The following MRTFA variants were observed in gnomAD, a reference collection of about 807,000 sequenced individuals.
The protein encoded by MRTFA is myocardin-related transcription factor A.
A neutral mutation model predicts 83.5 loss-of-function variants in MRTFA; 20 were observed. The observed-to-expected ratio is 0.24, with a 90% CI of 0.17 to 0.35. MRTFA has a LOEUF of 0.35. MRTFA is among the 10% of genes least tolerant of loss of function. The pLI, the probability that MRTFA is intolerant of heterozygous loss-of-function variation, is 1.00. For synonymous variants in MRTFA, 659 were observed against 541.2 expected (o/e 1.22, Z -3.02); for missense variants, 1,200 against 1,224.7 (o/e 0.98, Z 0.30).
chr22:40,631,663 A>G (rs1029248366), intron 1 of MRTFA, among the ~76,000 whole-genome samples: 18 of 152,350 alleles, frequency 1.2e-4, no homozygotes, highest in African/African-American at 4.1e-4. Context: ...TAGATTTCAA[A>G]TATTTTTCCT....
chr22:40,561,774 C>T (rs1211286656), intron 2 of MRTFA, among the ~76,000 whole-genome samples: 4 of 152,170 alleles, frequency 2.6e-5, no homozygotes, highest in African/African-American at 9.7e-5. Context: ...CCTGACACTT[C>T]CTTCCCATTA....
intron 1 of MRTFA, among the ~76,000 whole-genome samples, chr22:40,616,800 T>C (rs1190628841): frequency 6.6e-6 from 1 of 151,798 alleles, no homozygotes; most frequent in Non-Finnish European, 1.5e-5. Context: ...TGACTAACAT[T>C]CAAAAAAGAT....
At chr22:40,574,469 C>G (rs1010135930) in intron 2 of MRTFA, among the ~76,000 whole-genome samples, 1 of 150,698 alleles carries the variant, frequency 6.6e-6, no homozygotes, top group Non-Finnish European at 1.5e-5. Context: ...GAGCCTTGCT[C>G]TGTCACCCAG....
At chr22:40,614,841 T>C (rs1344102727) in intron 1 of MRTFA, among the ~76,000 whole-genome samples, 1 of 152,214 alleles carries the variant, frequency 6.6e-6, no homozygotes, top group African/African-American at 2.4e-5. Flanking sequence ...TATTTTTTAA[T>C]TGGGCCATTT....
intron 3 of MRTFA, among the ~76,000 whole-genome samples, chr22:40,500,041 T>G (rs1014105679): frequency 3.4e-5 from 5 of 147,056 alleles, no homozygotes; most frequent in Admixed American, 1.4e-4. Flanking sequence ...GCAATTCTCC[T>G]GCCTCAGCCT....
chr22:40,629,628 T>C (rs1295502828), intron 1 of MRTFA, among the ~76,000 whole-genome samples: 2 of 149,710 alleles, frequency 1.3e-5, no homozygotes, highest in Non-Finnish European at 3.0e-5. Context: ...TACAAAAAAT[T>C]AGCTGGGCGT....
At chr22:40,426,543 A>G (rs563966373) in intron 7 of MRTFA, among the ~76,000 whole-genome samples, 3 of 152,126 alleles carry the variant, frequency 2.0e-5, no homozygotes, top group African/African-American at 7.2e-5. Flanking sequence ...AGTCCCCAAC[A>G]ATCACCCCAT....
At position 40,420,406 on chromosome 22, in the gene MRTFA, T is replaced by C; in HGVS notation, c.1352A>G (p.Lys451Arg). Residue 451 changes from lysine to arginine, a missense_variant and splice_region_variant, in exon 11 of 15, where the codon AAG (lysine) becomes AGG (arginine). Physicochemically the swap from Lys to Arg is conservative, Grantham distance 26 (BLOSUM62 2). Transcript: ENST00000355630. The stretch of plus-strand genomic sequence containing the variant: ...TCAAGTTTTCCAGTGGCCATGTACC[T>C]TCATGTCGTCCAGGTTGGCCGGCAG... The C allele has an allele frequency of 6.2e-7, 1 of 1,613,006 alleles. No individual in the cohort carries two copies.
chr22:40,526,869 G>C (rs953499502), intron 3 of MRTFA, among the ~76,000 whole-genome samples: 3 of 152,238 alleles, frequency 2.0e-5, no homozygotes, highest in South Asian at 4.1e-4. Context: ...GGAGGCAGAG[G>C]TGGGAGGACT....
At chr22:40,518,795 CAAAAAAAAAAAA>C (rs879690699) in intron 3 of MRTFA, among the ~76,000 whole-genome samples, 3 of 68,136 alleles carry the variant, frequency 4.4e-5, no homozygotes, top group East Asian at 3.4e-4. Flanking sequence ...ACTCTGTCTC[CAAAAAAAAAAAA>C]AAAAAAAAAA....
chr22:40,511,546 C>A (rs2054668777), intron 3 of MRTFA, among the ~76,000 whole-genome samples: 1 of 152,196 alleles, frequency 6.6e-6, no homozygotes, highest in Non-Finnish European at 1.5e-5. Flanking sequence ...AAGGCAGTCA[C>A]CTTTTCCCAC....
At chr22:40,571,794 G>T (rs1035667757) in intron 2 of MRTFA, among the ~76,000 whole-genome samples, 34 of 150,916 alleles carry the variant, frequency 2.3e-4, no homozygotes, top group Admixed American at 2.2e-3. Flanking sequence ...CATGGTGGCA[G>T]GTGCCTGTAG....
chr22:40,572,777 T>G (rs968400578), intron 2 of MRTFA, among the ~76,000 whole-genome samples: 1 of 152,108 alleles, frequency 6.6e-6, no homozygotes, highest in African/African-American at 2.4e-5. Context: ...GCAGGGAAAC[T>G]CCCGTTTCTA....
At chr22:40,600,599 C>G (rs2056247292) in intron 1 of MRTFA, among the ~76,000 whole-genome samples, 2 of 152,198 alleles carry the variant, frequency 1.3e-5, no homozygotes, top group South Asian at 4.1e-4. Context: ...ATGTAGCCTG[C>G]TGGTCAACCC....
At chr22:40,531,868 G>A (rs909662549) in intron 3 of MRTFA, among the ~76,000 whole-genome samples, 5 of 152,150 alleles carry the variant, frequency 3.3e-5, no homozygotes, top group African/African-American at 9.7e-5. Flanking sequence ...CCAACACATT[G>A]TTAATGTTTT....
At chr22:40,429,545 G>A in intron 7 of MRTFA, 61 bp downstream of exon 7, 4 of 1,595,488 alleles carry the variant, frequency 2.5e-6, no homozygotes, top group South Asian at 1.1e-5. Context: ...CTTCAGCCTG[G>A]CACTCCCTCC....
At chr22:40,455,645 C>CA (rs55723146) in intron 4 of MRTFA, among the ~76,000 whole-genome samples, 104 of 77,534 alleles carry the variant, frequency 1.3e-3, no homozygotes, top group Middle Eastern at 5.4e-3. Context: ...GATGCAGTCT[C>CA]AAAAAAAAAA....
intron 1 of MRTFA, among the ~76,000 whole-genome samples, chr22:40,597,202 G>A (rs533377243): frequency 6.6e-6 from 1 of 152,284 alleles, no homozygotes; most frequent in South Asian, 2.1e-4. Context: ...TATACTTGCT[G>A]ATAGAAGGCC....
intron 2 of MRTFA, among the ~76,000 whole-genome samples, chr22:40,558,968 G>A (rs1360428077): frequency 6.6e-6 from 1 of 151,940 alleles, no homozygotes; most frequent in African/African-American, 2.4e-5. Flanking sequence ...TTTTAGTAGA[G>A]ATGGGTTTTC....
Sources: allele counts gnomAD v4.1 joint callset (sites outside exome capture counted in the v4.1 genomes callset), GRCh38; gene constraint gnomAD v4.1.1; transcripts MANE v1.5; gene names NCBI Gene and HGNC (gene_info 2026-07-23, HGNC 2026-07-21).